PLXNA2: variants seen among roughly 807,000 people sequenced by gnomAD.
PLXNA2 encodes the protein plexin-A2.
Under a neutral mutation model 193.5 loss-of-function variants are expected in PLXNA2, and 91 were observed. That is an observed-to-expected ratio of 0.47 (90% CI 0.40 to 0.56). The LOEUF is 0.56. Among genes scored for constraint, PLXNA2 ranks in the 20% least tolerant of loss-of-function variants. PLXNA2 has a pLI of 0.00. For synonymous variants in PLXNA2, 997 were observed against 1,027.3 expected (o/e 0.97, Z 0.56); for missense variants, 1,995 against 2,503.2 (o/e 0.80, Z 4.33).
At chr1:208,125,534 C>T (rs1439511751) in intron 4 of PLXNA2, among the ~76,000 whole-genome samples, 1 of 152,126 alleles carries the variant, frequency 6.6e-6, no homozygotes, top group East Asian at 1.9e-4. Flanking sequence ...GAATTTTCTC[C>T]ATTAATCTGG....
Position 208,027,041 on chromosome 1 carries a change from C to T in PLXNA2, c.*202G>A, listed in dbSNP as rs893676315. ...TGGTGTTCTCACTGAGGATGGACGACGCCCACTGTCTCTCCCAGCTGGAAC... is the reference window on the plus strand; with the variant it reads ...TGGTGTTCTCACTGAGGATGGACGATGCCCACTGTCTCTCCCAGCTGGAAC... On this transcript the variant is annotated 3_prime_UTR_variant, in exon 32 of 32. Transcript: ENST00000367033. The T allele has an allele frequency of 4.2e-5, 22 of 521,520 alleles. No individual in the cohort carries two copies. The highest frequency in any genetic ancestry group is 7.4e-5 in the South Asian group (3 of 40,630). The allele number at this position is 521,520 out of a possible 1,614,324, so 32.3% of individuals were successfully genotyped here.
chr1:208,125,177 T>A (rs1667935423), intron 4 of PLXNA2, among the ~76,000 whole-genome samples: 1 of 152,232 alleles, frequency 6.6e-6, no homozygotes, highest in African/African-American at 2.4e-5. Context: ...CAGGCATTGT[T>A]TATTAACGAT....
intron 2 of PLXNA2, among the ~76,000 whole-genome samples, 164 bp downstream of exon 2, chr1:208,216,571 C>G (rs537165095): frequency 6.6e-6 from 1 of 152,210 alleles, no homozygotes; most frequent in African/African-American, 2.4e-5. Flanking sequence ...ATCTGGTGTA[C>G]GTAAGACCCT....
intron 9 of PLXNA2, among the ~76,000 whole-genome samples, chr1:208,086,946 G>GCTCT (rs1571901013): frequency 2.6e-5 from 2 of 76,256 alleles, no homozygotes; most frequent in South Asian, 1.4e-3. Context: ...GGTCTCTCTC[G>GCTCT]CACTCTCTCT....
intron 3 of PLXNA2, among the ~76,000 whole-genome samples, chr1:208,174,314 C>T (rs1490822524): frequency 6.6e-6 from 1 of 150,730 alleles, no homozygotes; most frequent in African/African-American, 2.4e-5. Context: ...GAAGGGCTAA[C>T]TCTTTGGAAA....
chr1:208,221,074 G>C (rs1283100318), intron 1 of PLXNA2, among the ~76,000 whole-genome samples: 1 of 152,202 alleles, frequency 6.6e-6, no homozygotes, highest in African/African-American at 2.4e-5. Context: ...TGTCTAGAAG[G>C]CATGAGGTCA....
chr1:208,142,972 C>A (rs1355244396), intron 3 of PLXNA2, among the ~76,000 whole-genome samples: 1 of 152,160 alleles, frequency 6.6e-6, no homozygotes, highest in Non-Finnish European at 1.5e-5. Context: ...GGTCTTTCAG[C>A]CCCCAAACAT....
rs1664735668 is a variant in PLXNA2 at position 208,038,207 on chromosome 1, T to A, written c.4764+164A>T. 6.6e-6 allele frequency among the ~76,000 whole-genome samples: 1 copy of A among 152,198 alleles called. No homozygotes were observed. Among genetic ancestry groups the A allele is most frequent in the Admixed American group, 6.5e-5 (1 of 15,286 alleles). On this transcript the variant is annotated intron_variant, in intron 26 of 31. Coordinates refer to ENST00000367033, the MANE Select transcript of PLXNA2 (RefSeq NM_025179.4). The surrounding 1 kb of genome is among the most constrained non-coding windows in gnomAD (Gnocchi z 4.1). ...CGTTTTTTATCAGTTCCCTCAGTAA[T>A]TCCAATGGGCAGCCATGGCTAAGAA... is the stretch of plus-strand genomic sequence containing the variant.
chr1:208,112,117 C>T (rs1667498013), intron 4 of PLXNA2, among the ~76,000 whole-genome samples: 1 of 152,104 alleles, frequency 6.6e-6, no homozygotes, highest in Non-Finnish European at 1.5e-5. Flanking sequence ...AGAGAGGAGA[C>T]CAAAGTTGGT....
At chr1:208,088,545 C>T (rs757758394) in intron 9 of PLXNA2, among the ~76,000 whole-genome samples, 5 of 152,246 alleles carry the variant, frequency 3.3e-5, no homozygotes, top group Non-Finnish European at 4.4e-5. Context: ...AGCCATACAT[C>T]CTCCCGTGCA....
rs1278188160 is a variant in PLXNA2, at chr1:208,186,715, T to TTTTTGTTTTTTGTTTTTTTTG, written c.1371+23564_1371+23565insCAAAAAAAACAAAAAACAAAA. ...CCTGGGAATTGCAATGTTATTTTAT[T>TTTTTGTTTTTTGTTTTTTTTG]TTTTTTTTTTTTTTTGAGACGGAGT... On this transcript the variant is annotated intron_variant, in intron 3 of 31. Transcript: ENST00000367033. Among the ~76,000 whole-genome samples, 27 of 101,704 alleles carry TTTTTGTTTTTTGTTTTTTTTG rather than the reference T, an allele frequency of 2.7e-4. 1 individual carries two copies. Among genetic ancestry groups the TTTTTGTTTTTTGTTTTTTTTG allele is most frequent in the African/African-American group, 8.9e-4 (22 of 24,744 alleles). The allele number at this position is 101,704 out of a possible 152,430, so 66.7% of individuals were successfully genotyped here.
intron 3 of PLXNA2, among the ~76,000 whole-genome samples, chr1:208,170,532 G>A (rs565280490): frequency 2.6e-5 from 4 of 152,324 alleles, no homozygotes; most frequent in African/African-American, 9.6e-5. Context: ...GCCGGGGCAT[G>A]AGGCTGGCTA....
intron 2 of PLXNA2, among the ~76,000 whole-genome samples, chr1:208,211,059 T>C (rs998094919): frequency 8.5e-5 from 13 of 152,194 alleles, no homozygotes; most frequent in Non-Finnish European, 2.9e-5. Flanking sequence ...AGATCAGAAG[T>C]GTCATAATGA....
In PLXNA2 at chr1:208,217,305, G is replaced by T; in HGVS notation, c.618C>A (p.Asp206Glu). Reference sequence around the variant, plus strand: ...AGTCGAGCATGGCTGAGGACTCAGGGTCTCGGGGCAGCTTCCGGCTGGACA... The same window carrying T: ...AGTCGAGCATGGCTGAGGACTCAGGTTCTCGGGGCAGCTTCCGGCTGGACA... ...PTLSSRKLPR[D>E]PESSAMLDYE... Residue 206 changes from aspartate (D) to glutamate (E), a missense_variant, in exon 2 of 32, where the codon GAC becomes GAA. Asp to Glu is a conservative substitution (Grantham distance 45). Around this residue, in one of 3 missense-constraint regions of PLXNA2, gnomAD observed 702 missense variants for 812.9 expected, o/e 0.86. Transcript: ENST00000367033. This position sits in a 1 kb window ranked among gnomAD's most constrained non-coding sequence, Gnocchi z 4.7. 6.2e-7 allele frequency: 1 copy of T among 1,614,164 alleles called. No individual in the cohort carries two copies. Among genetic ancestry groups the T allele is most frequent in the Non-Finnish European group, 8.5e-7 (1 of 1,180,020 alleles).
At chr1:208,064,667 C>T (rs1207286533) in intron 12 of PLXNA2, among the ~76,000 whole-genome samples, 1 of 152,212 alleles carries the variant, frequency 6.6e-6, no homozygotes, top group African/African-American at 2.4e-5. Context: ...GAGAATGAGT[C>T]TAAGGGCCAT....
chr1:208,046,458 C>T (rs1451546398), intron 17 of PLXNA2, among the ~76,000 whole-genome samples: 2 of 151,842 alleles, frequency 1.3e-5, no homozygotes, highest in Non-Finnish European at 1.5e-5. Context: ...GGGCCTGGGG[C>T]ATGGGGGGCA....
chr1:208,048,123 C>A (rs1406205765), intron 17 of PLXNA2, among the ~76,000 whole-genome samples: 1 of 152,190 alleles, frequency 6.6e-6, no homozygotes, highest in Non-Finnish European at 1.5e-5. Context: ...CTAGACCAGG[C>A]TCCTCTATGA....
intron 12 of PLXNA2, 109 bp from the exon 13 acceptor site, chr1:208,060,946 T>C: frequency 1.1e-6 from 1 of 893,790 alleles, no homozygotes; most frequent in Non-Finnish European, 1.7e-6. Flanking sequence ...GGTTCTTAAA[T>C]TCCTCCACCA....
intron 3 of PLXNA2, among the ~76,000 whole-genome samples, chr1:208,169,973 A>G (rs947988242): frequency 6.6e-6 from 1 of 152,202 alleles, no homozygotes; most frequent in African/African-American, 2.4e-5. Context: ...CACAGACACC[A>G]GGACCTCCAA....
Sources: gnomAD v4.1 joint callset for allele counts (sites outside exome capture counted in the v4.1 genomes callset) on GRCh38, gnomAD v4.1.1 for gene constraint, gnomAD v4.1.1 regional missense constraint, Gnocchi (gnomAD v3.1) non-coding constraint, MANE v1.5 for transcripts, NCBI Gene and HGNC (gene_info 2026-07-23, HGNC 2026-07-21) for gene names.